The following ANAPC1 variants were observed in gnomAD, a reference collection of about 807,000 sequenced individuals.
ANAPC1 encodes anaphase-promoting complex subunit 1.
In ANAPC1, 36 loss-of-function variants were observed where a neutral mutation model predicts 208.0. That is an observed-to-expected ratio of 0.17 (90% CI 0.13 to 0.23). ANAPC1 has a LOEUF of 0.23. Among genes scored for constraint, ANAPC1 ranks in the 10% least tolerant of loss-of-function variants. The pLI, the probability that ANAPC1 is intolerant of heterozygous loss-of-function variation, is 1.00. For missense variants in ANAPC1, 942 were observed against 2,011.6 expected (o/e 0.47, Z 10.17); for synonymous variants, 378 against 695.2 (o/e 0.54, Z 7.18).
chr2:111,880,122 G>A (rs2311836), intron 2 of ANAPC1, among the ~76,000 whole-genome samples: 7 of 151,764 alleles, frequency 4.6e-5, no homozygotes, highest in Admixed American at 1.3e-4. Flanking sequence ...GCCTGTAAAC[G>A]CAGCACTTTG....
chr2:111,821,179 C>T, intron 26 of ANAPC1, 60 bp downstream of exon 26: 1 of 1,587,748 alleles, frequency 6.3e-7, no homozygotes, highest in Non-Finnish European at 8.6e-7. Flanking sequence ...AACAAATATA[C>T]ACAAGACACA....
At chr2:111,835,637 G>A (rs1366248501) in intron 18 of ANAPC1, among the ~76,000 whole-genome samples, 3 of 152,088 alleles carry the variant, frequency 2.0e-5, no homozygotes, top group East Asian at 3.9e-4. Context: ...AGGAGATCAC[G>A]ACCTTCCTGG....
chr2:111,781,839 A>G (rs1677298046), intron 43 of ANAPC1, among the ~76,000 whole-genome samples: 1 of 152,290 alleles, frequency 6.6e-6, no homozygotes, highest in Admixed American at 6.5e-5. Context: ...ACCCTCATTT[A>G]TCGTAACTAT....
intron 35 of ANAPC1, 53 bp from the exon 36 acceptor site, chr2:111,794,376 C>T: frequency 9.0e-7 from 1 of 1,112,414 alleles, no homozygotes; most frequent in East Asian, 2.6e-5. Context: ...TTAAAATTAA[C>T]TTGAAATAAG....
intron 3 of ANAPC1, among the ~76,000 whole-genome samples, chr2:111,874,530 T>C (rs962718200): frequency 6.6e-6 from 1 of 152,134 alleles, no homozygotes; most frequent in African/African-American, 2.4e-5. Flanking sequence ...ACATTTGTCC[T>C]TTTATATCTA....
chr2:111,766,599 T>A, downstream of ANAPC1: 1 of 213,994 alleles, frequency 4.7e-6, no homozygotes, highest in Non-Finnish European at 9.9e-6. Context: ...CCCCCCCAAT[T>A]TGATCAGCAT....
chr2:111,767,120 C>CT, downstream of ANAPC1: 1 of 377,156 alleles, frequency 2.7e-6, no homozygotes, highest in Admixed American at 3.2e-5. Flanking sequence ...TTCTATCTAT[C>CT]TAAGTAGAAA....
At chr2:111,880,372 C>G in intron 2 of ANAPC1, 1 of 947,550 alleles carries the variant, frequency 1.1e-6, no homozygotes, top group South Asian at 2.6e-5. Context: ...AACTTCATCT[C>G]AAACAAAAAA....
chr2:111,878,006 C>T (rs1399693456), intron 3 of ANAPC1, among the ~76,000 whole-genome samples: 1 of 152,140 alleles, frequency 6.6e-6, no homozygotes, highest in South Asian at 2.1e-4. Flanking sequence ...AATACTCCTT[C>T]ATGTCACTAC....
Position 111,864,463 on chromosome 2 carries a change from C to CTTTTTT in ANAPC1, c.831+337_831+342dup, listed in dbSNP as rs1156702851. Among the ~76,000 whole-genome samples, 23 of 95,186 alleles carry CTTTTTT rather than the reference C, an allele frequency of 2.4e-4. 4 individuals are homozygous for CTTTTTT. Among genetic ancestry groups the CTTTTTT allele is most frequent in the Non-Finnish European group, 3.6e-4 (19 of 52,832 alleles). 62.4% of individuals were successfully genotyped at this position (95,186 alleles called of 152,430 possible). ...AACTACTCTTTCATATATATATATA[C>CTTTTTT]TTTTTTTTTTTTTTTTTTTGAGATG... On this transcript the variant is annotated intron_variant, in intron 8 of 47. Coordinates refer to ENST00000341068, the MANE Select transcript of ANAPC1 (RefSeq NM_022662.4).
intron 1 of ANAPC1, among the ~76,000 whole-genome samples, chr2:111,881,566 A>G (rs1022587804): frequency 6.6e-6 from 1 of 152,240 alleles, no homozygotes; most frequent in Non-Finnish European, 1.5e-5. Context: ...TTAATCTATT[A>G]CAGTACAGTT....
Position 111,821,469 on chromosome 2 carries a change from T to C in ANAPC1, c.2992-16A>G. 20 of 1,439,670 alleles carry C rather than the reference T, an allele frequency of 1.4e-5. No individual in the cohort carries two copies. The highest frequency in any genetic ancestry group is 1.8e-5 in the Non-Finnish European group (19 of 1,031,938). The allele number at this position is 1,439,670 out of a possible 1,614,324, so 89.2% of individuals were successfully genotyped here. A position where few individuals can be genotyped will look rare whatever the true frequency, so the allele number is the denominator to read the frequency against. On this transcript the variant is annotated splice_polypyrimidine_tract_variant and intron_variant, in intron 25 of 47. Coordinates refer to ENST00000341068, the MANE Select transcript of ANAPC1 (RefSeq NM_022662.4). ...ATGAGAGCACCTGAGTAACAGACTT[T>C]ATTGTAATAATAATTTCAAAAGCAG... is the stretch of plus-strand genomic sequence containing the variant.
At position 111,832,991 on chromosome 2, in the gene ANAPC1, G is replaced by GC. The variant is rs1339624547; in HGVS notation, c.2476+228dup. 3.5e-5 allele frequency among the ~76,000 whole-genome samples: 5 copies of GC among 142,282 alleles called. No homozygotes were observed. In the East Asian group the frequency reaches 1.1e-3, roughly 30 times the overall value. The allele number at this position is 142,282 out of a possible 152,430, so 93.3% of individuals were successfully genotyped here. A position where few individuals can be genotyped will look rare whatever the true frequency, so the allele number is the denominator to read the frequency against. On this transcript the variant is annotated intron_variant, in intron 20 of 47. Transcript: ENST00000341068. ...ACCCTGGAAGCTTTCTCTGACTTTT[G>GC]CAAGTCAGAACCTTAGGGATGGGTA... is the stretch of plus-strand genomic sequence containing the variant.
intron 17 of ANAPC1, among the ~76,000 whole-genome samples, chr2:111,839,151 C>T (rs537267346): frequency 6.6e-6 from 1 of 152,308 alleles, no homozygotes; most frequent in South Asian, 2.1e-4. Flanking sequence ...GCCCCTTCCA[C>T]CTGACTGGAA....
At chr2:111,781,994 T>C (rs1677307027) in intron 43 of ANAPC1, among the ~76,000 whole-genome samples, 1 of 152,254 alleles carries the variant, frequency 6.6e-6, no homozygotes, top group African/African-American at 2.4e-5. Context: ...GAGTTAATAA[T>C]TGCTAGCTTG....
At chr2:111,790,040 T>C (rs1336508158) in intron 38 of ANAPC1, among the ~76,000 whole-genome samples, 2 of 152,210 alleles carry the variant, frequency 1.3e-5, no homozygotes, top group African/African-American at 4.8e-5. Context: ...CAACTTTACT[T>C]TTTGTACTTC....
intron 33 of ANAPC1, among the ~76,000 whole-genome samples, chr2:111,801,250 A>T (rs190395401): frequency 6.6e-6 from 1 of 151,426 alleles, no homozygotes; most frequent in Non-Finnish European, 1.5e-5. Flanking sequence ...CTAGCTACTC[A>T]GGAGGCTGAG....
Position 111,838,505 on chromosome 2 carries a change from A to G in ANAPC1, c.2048T>C (p.Phe683Ser). 2 of 1,604,076 alleles carry G rather than the reference A, an allele frequency of 1.2e-6. No homozygotes were observed. The highest frequency in any genetic ancestry group is 2.2e-5 in the South Asian group (2 of 89,114). Residue 683 changes from phenylalanine to serine, a missense_variant, in exon 18 of 48, where the codon TTT becomes TCT. Phe to Ser is a radical substitution (Grantham distance 155, BLOSUM62 -2). Coordinates refer to ENST00000341068, the MANE Select transcript of ANAPC1 (RefSeq NM_022662.4). ...DRLAWTRNFD[F>S]EGSLSPVIAP... ...AATGACAGGAGAAAGTGATCCTTCA[A>G]AGTCAAACTGAAAAGTAACCCCAAA...
At chr2:111,846,863 C>T (rs1681117449) in intron 16 of ANAPC1, among the ~76,000 whole-genome samples, 2 of 152,088 alleles carry the variant, frequency 1.3e-5, no homozygotes, top group South Asian at 2.1e-4. Context: ...AGCCACCATG[C>T]CCAGCAGGCA....
Sources: allele counts gnomAD v4.1 joint callset (sites outside exome capture counted in the v4.1 genomes callset), GRCh38; gene constraint gnomAD v4.1.1; transcripts MANE v1.5; gene names NCBI Gene and HGNC (gene_info 2026-07-23, HGNC 2026-07-21).